Variants in RTN4RL1 observed in about 807,000 individuals in gnomAD.
The protein encoded by RTN4RL1 is reticulon 4 receptor like 1.
A neutral mutation model predicts 25.6 loss-of-function variants in RTN4RL1; 7 were observed. That is an observed-to-expected ratio of 0.27 (90% confidence interval 0.16 to 0.51). The LOEUF is 0.51. Among genes scored for constraint, RTN4RL1 ranks in the 20% least tolerant of loss-of-function variants. The pLI is 0.97. For missense variants in RTN4RL1, 500 were observed against 615.6 expected (o/e 0.81, Z 1.99); for synonymous variants, 297 against 288.2 (o/e 1.03, Z -0.31).
chr17:1,937,711 C>T lies in RTN4RL1; in HGVS notation c.111G>A (p.Thr37=), dbSNP rs781616813. The T allele has an allele frequency of 5.0e-6, 8 of 1,612,426 alleles. No homozygotes were observed. The highest frequency in any genetic ancestry group is 2.2e-5 in the East Asian group (1 of 44,872). ...RDCVCYPAPM[T]VSCQAHNFAA... ...CAAAGTTGTGCGCCTGGCAGCTGAC[C>T]GTCATGGGCGCCGGGTAGCACACAC... is the stretch of plus-strand genomic sequence containing the variant. Residue 37 remains threonine (T), a synonymous_variant, in exon 2 of 2, where the codon ACG becomes ACA. Coordinates refer to ENST00000331238, the MANE Select transcript of RTN4RL1 (RefSeq NM_178568.4).
Position 1,937,692 on chromosome 17 carries a change from T to A in RTN4RL1, c.130A>T (p.Asn44Tyr). 1 of 1,613,426 alleles carries A rather than the reference T, an allele frequency of 6.2e-7. No individual in the cohort carries two copies. The highest frequency in any genetic ancestry group is 1.3e-5 in the African/African-American group (1 of 75,036). The change falls in exon 2 of 2, where the codon AAC becomes TAC. Residue 44 changes from asparagine (N) to tyrosine (Y), a missense_variant. Physicochemically the swap from Asn to Tyr is moderately radical, Grantham distance 143. Transcript: ENST00000331238. ...APMTVSCQAH[N>Y]FAAIPEGIPV... The stretch of plus-strand genomic sequence containing the variant: ...ATGCCCTCCGGGATGGCTGCAAAGT[T>A]GTGCGCCTGGCAGCTGACCGTCATG...
intron 1 of RTN4RL1, among the ~76,000 whole-genome samples, chr17:1,951,727 A>C (rs1915685095): frequency 6.6e-6 from 1 of 152,156 alleles, no homozygotes; most frequent in Non-Finnish European, 1.5e-5. Context: ...TGCTGGGATT[A>C]CAGGCGTGAG....
chr17:1,964,788 CT>C (rs34138766), intron 1 of RTN4RL1, among the ~76,000 whole-genome samples: 80 of 124,722 alleles, frequency 6.4e-4, no homozygotes, highest in Admixed American at 1.0e-3. Context: ...CTTTTCTTTT[CT>C]TTTTTTTTTT....
intron 1 of RTN4RL1, chr17:1,995,791 A>G (rs553236181): frequency 4.6e-5 from 7 of 152,402 alleles, no homozygotes; most frequent in African/African-American, 1.7e-4. Flanking sequence ...GAGATGGCCT[A>G]TGTGCCGAGC....
chr17:2,016,582 G>A lies in RTN4RL1; in HGVS notation c.13+8271C>T, dbSNP rs529180738. 9.2e-5 allele frequency among the ~76,000 whole-genome samples: 14 copies of A among 152,356 alleles called. No homozygotes were observed. The South Asian group carries it at 1.0e-3, about 11-fold the overall frequency. ...CACAGTTCCTGGAAAGGAAAGGGCC[G>A]TGACAAGGGCAAAGCCAGGGTTGCA... On this transcript the variant is annotated intron_variant, in intron 1 of 1. Coordinates refer to ENST00000331238, the MANE Select transcript of RTN4RL1 (RefSeq NM_178568.4).
intron 1 of RTN4RL1, among the ~76,000 whole-genome samples, chr17:2,000,607 T>C (rs969586372): frequency 1.3e-5 from 2 of 151,944 alleles, no homozygotes; most frequent in African/African-American, 4.8e-5. Flanking sequence ...CTCACCTCCG[T>C]CTCCCAGGTT....
At chr17:2,012,744 T>A (rs2067065902) in intron 1 of RTN4RL1, among the ~76,000 whole-genome samples, 1 of 152,150 alleles carries the variant, frequency 6.6e-6, no homozygotes, top group African/African-American at 2.4e-5. Context: ...TCAAGTCTAC[T>A]GATCCAGCAC....
At chr17:2,022,975 G>C (rs2067228399) in intron 1 of RTN4RL1, among the ~76,000 whole-genome samples, 1 of 152,234 alleles carries the variant, frequency 6.6e-6, no homozygotes, top group Non-Finnish European at 1.5e-5. Context: ...GGCTAGCCAG[G>C]GTGGGAGAGA....
Position 1,941,512 on chromosome 17 carries a change from C to T in RTN4RL1, c.14-3704G>A, listed in dbSNP as rs1481302327. The stretch of plus-strand genomic sequence containing the variant: ...AAGCCATTGTATCAGGGGCCTGGGG[C>T]GGGGGCCGGGCAACAAGCCACAGGC... On this transcript the variant is annotated intron_variant, in intron 1 of 1. Coordinates refer to ENST00000331238, the MANE Select transcript of RTN4RL1 (RefSeq NM_178568.4). 2.6e-5 allele frequency among the ~76,000 whole-genome samples: 4 copies of T among 152,126 alleles called. No individual in the cohort carries two copies. The East Asian group carries it at 5.8e-4, about 22-fold the overall frequency.
intron 1 of RTN4RL1, among the ~76,000 whole-genome samples, chr17:2,006,938 T>G (rs1487673381): frequency 6.6e-6 from 1 of 152,148 alleles, no homozygotes; most frequent in Non-Finnish European, 1.5e-5. Flanking sequence ...TTTTTTTTAA[T>G]GTGTGCTCAG....
At chr17:1,997,950 G>T (rs1409737353) in intron 1 of RTN4RL1, among the ~76,000 whole-genome samples, 1 of 152,328 alleles carries the variant, frequency 6.6e-6, no homozygotes, top group African/African-American at 2.4e-5. Context: ...GAAAGCGTGG[G>T]CGCAGGTGCC....
intron 1 of RTN4RL1, among the ~76,000 whole-genome samples, chr17:1,938,695 T>A (rs757641396): frequency 6.6e-6 from 1 of 152,010 alleles, no homozygotes; most frequent in Non-Finnish European, 1.5e-5. Flanking sequence ...ATTTACAGTG[T>A]CTTCCACATC....
chr17:1,944,579 C>T (rs1915498101), intron 1 of RTN4RL1, among the ~76,000 whole-genome samples: 1 of 152,176 alleles, frequency 6.6e-6, no homozygotes, highest in Admixed American at 6.5e-5. Context: ...GCCTCAGCCT[C>T]CTGAGTAGCT....
At chr17:1,939,129 G>A (rs538071066) in intron 1 of RTN4RL1, among the ~76,000 whole-genome samples, 2 of 151,878 alleles carry the variant, frequency 1.3e-5, no homozygotes, top group African/African-American at 2.4e-5. Flanking sequence ...GAGGCGGGCG[G>A]ATCACGAGGT....
intron 1 of RTN4RL1, among the ~76,000 whole-genome samples, chr17:1,950,436 C>A (rs1915649118): frequency 6.6e-6 from 1 of 152,120 alleles, no homozygotes; most frequent in Non-Finnish European, 1.5e-5. Flanking sequence ...GCTGAGGATG[C>A]ATAACGTCCG....
chr17:1,947,788 ACAGC>A (rs1191500092), intron 1 of RTN4RL1, among the ~76,000 whole-genome samples: 1 of 152,142 alleles, frequency 6.6e-6, no homozygotes, highest in Non-Finnish European at 1.5e-5. Flanking sequence ...TGGCACTCTG[ACAGC>A]TCTGGACCCA....
chr17:2,000,274 G>A (rs2066951124), intron 1 of RTN4RL1, among the ~76,000 whole-genome samples: 1 of 152,238 alleles, frequency 6.6e-6, no homozygotes, highest in Non-Finnish European at 1.5e-5. Flanking sequence ...TTAGGAAGCA[G>A]GATGGGGCAG....
In RTN4RL1 at chr17:1,936,243, TGGAC is replaced by T. The variant is rs1001437955; in HGVS notation, c.*249_*252del. ...AGTGCCTTTTCCCACCTTGCCAGAG[TGGAC>T]ACTGTCCGTGGGCGCTCTGCGGGGC... On this transcript the variant is annotated 3_prime_UTR_variant, in exon 2 of 2. Transcript: ENST00000331238. 1.1e-5 allele frequency: 15 copies of T among 1,306,086 alleles called. No individual in the cohort carries two copies. Among genetic ancestry groups the T allele is most frequent in the African/African-American group, 1.5e-5 (1 of 64,828 alleles). 80.9% of individuals were successfully genotyped at this position (1,306,086 alleles called of 1,614,324 possible).
chr17:1,982,997 G>A (rs2066873872), intron 1 of RTN4RL1, among the ~76,000 whole-genome samples: 1 of 152,250 alleles, frequency 6.6e-6, no homozygotes, highest in African/African-American at 2.4e-5. Context: ...AAGTGCCTCT[G>A]GGGGGCCATT....
Sources: allele counts gnomAD v4.1 joint callset (sites outside exome capture counted in the v4.1 genomes callset), GRCh38; gene constraint gnomAD v4.1.1; transcripts MANE v1.5; gene names NCBI Gene and HGNC (gene_info 2026-07-23, HGNC 2026-07-21).